The following CENPE variants were observed in gnomAD, a reference collection of about 807,000 sequenced individuals.
CENPE encodes centromere-associated protein E.
CENPE carries 145 observed loss-of-function variants against 336.1 expected under a neutral mutation model. That is an observed-to-expected ratio of 0.43 (90% CI 0.38 to 0.50). The LOEUF is 0.50. Among genes scored for constraint, CENPE ranks in the 20% least tolerant of loss-of-function variants. CENPE has a pLI of 0.00. For synonymous variants in CENPE, 1,013 were observed against 984.8 expected, an observed-to-expected ratio of 1.03 and a Z score of -0.54; for missense variants, 2,719 against 3,023.3, an observed-to-expected ratio of 0.90 and a Z score of 2.36.
chr4:103,135,210 T>A (rs1158918704), intron 40 of CENPE, among the ~76,000 whole-genome samples: 1 of 152,220 alleles, frequency 6.6e-6, no homozygotes, highest in Non-Finnish European at 1.5e-5. Flanking sequence ...AAATGTATTA[T>A]CTATCACCTA....
In CENPE at chr4:103,139,151, T is replaced by C. The variant is rs1752323604; in HGVS notation, c.6204+638A>G. 2.8e-5 allele frequency among the ~76,000 whole-genome samples: 3 copies of C among 108,738 alleles called. 1 individual carries two copies. The highest frequency in any genetic ancestry group is 4.6e-5 in the Non-Finnish European group (2 of 43,876). The allele number at this position is 108,738 out of a possible 152,430, so 71.3% of individuals were successfully genotyped here. A position where few individuals can be genotyped will look rare whatever the true frequency, so the allele number is the denominator to read the frequency against. On this transcript the variant is annotated intron_variant, in intron 38 of 48. Transcript: ENST00000265148. ...AAAACATTTTCTCCCACTTATCTTG[T>C]TCACTACAGTACCTAGAAGAATATT...
chr4:103,191,011 G>T (rs143929137), intron 8 of CENPE, among the ~76,000 whole-genome samples: 22,308 of 149,878 alleles, frequency 0.15, 1,951 homozygotes, highest in South Asian at 0.31. Context: ...CTTCTCAAAA[G>T]AAGACATTTA....
chr4:103,191,972 G>A (rs1365461824), intron 8 of CENPE, among the ~76,000 whole-genome samples: 1 of 152,024 alleles, frequency 6.6e-6, no homozygotes, highest in Non-Finnish European at 1.5e-5. Context: ...GAATCTCGGT[G>A]AGAGATAATA....
chr4:103,185,604 T>C (rs1756703068), intron 9 of CENPE, among the ~76,000 whole-genome samples: 1 of 152,122 alleles, frequency 6.6e-6, no homozygotes, highest in Admixed American at 6.5e-5. Context: ...TTTTAATTGA[T>C]GCTATTGTAG....
rs535469567 is a variant in CENPE, at chr4:103,117,341, T to G, written c.7330-652A>C. On this transcript the variant is annotated intron_variant, in intron 44 of 48. Coordinates refer to ENST00000265148, the MANE Select transcript of CENPE (RefSeq NM_001813.3). ...TAAAATCTATAATTTCCATGACAGT[T>G]TATTTGTATTGTACATTCTGTGGGT... Among the ~76,000 whole-genome samples, 134 of 152,314 alleles carry G rather than the reference T, an allele frequency of 8.8e-4. 4 individuals carry two copies. The South Asian group carries it at 0.027, about 30-fold the overall frequency.
intron 42 of CENPE, among the ~76,000 whole-genome samples, chr4:103,125,940 G>T (rs1448322919): frequency 6.6e-6 from 1 of 151,532 alleles, no homozygotes; most frequent in Non-Finnish European, 1.5e-5. Flanking sequence ...CCACAACTCT[G>T]CTTAGATCCA....
intron 8 of CENPE, among the ~76,000 whole-genome samples, chr4:103,188,578 T>C (rs1297930482): frequency 6.6e-6 from 1 of 152,118 alleles, no homozygotes; most frequent in Non-Finnish European, 1.5e-5. Flanking sequence ...GAAATAAAGA[T>C]GTTCTTTGAA....
intron 42 of CENPE, among the ~76,000 whole-genome samples, chr4:103,127,208 C>A (rs1050380481): frequency 1.3e-5 from 2 of 149,908 alleles, no homozygotes; most frequent in African/African-American, 4.9e-5. Context: ...AAAAAAAAAT[C>A]TTTGAAGAAG....
In CENPE at chr4:103,196,255, AAACAACAAC is replaced by A. The variant is rs3217729; in HGVS notation, c.149-12_149-4del. The A allele has an allele frequency of 6.3e-6, 10 of 1,578,692 alleles. No individual in the cohort carries two copies. In the South Asian group the frequency reaches 7.8e-5, roughly 12 times the overall value. The stretch of plus-strand genomic sequence containing the variant: ...TTCATTACCATGAAAGACACGATCT[AAACAACAAC>A]AACAACAACAACAACACAGAAGTTA... On this transcript the variant is annotated splice_region_variant and splice_polypyrimidine_tract_variant and intron_variant, in intron 2 of 48. Coordinates refer to ENST00000265148, the MANE Select transcript of CENPE (RefSeq NM_001813.3).
intron 47 of CENPE, 82 bp from the exon 48 acceptor site, chr4:103,109,171 A>T: frequency 9.2e-7 from 1 of 1,085,826 alleles, no homozygotes; most frequent in Non-Finnish European, 1.3e-6. Context: ...AAAAATTAAA[A>T]ATAAATTGTG....
chr4:103,180,301 T>C lies in CENPE; in HGVS notation c.1242+10A>G, dbSNP rs561117970. 5 of 1,607,032 alleles carry C rather than the reference T, an allele frequency of 3.1e-6. No homozygotes were observed. In the South Asian group the frequency reaches 5.6e-5, roughly 18 times the overall value. Reference sequence around the variant, plus strand: ...TACATCAAGTTTAAGCTGTCATCTTTTAATTTTACCTTTAATTCCTGTTGC... The same window carrying C: ...TACATCAAGTTTAAGCTGTCATCTTCTAATTTTACCTTTAATTCCTGTTGC... On this transcript the variant is annotated intron_variant, in intron 13 of 48. Coordinates refer to ENST00000265148, the MANE Select transcript of CENPE (RefSeq NM_001813.3).
chr4:103,176,805 C>G, intron 14 of CENPE, 94 bp downstream of exon 14: 1 of 889,602 alleles, frequency 1.1e-6, no homozygotes. Flanking sequence ...AGTATTTAAA[C>G]ATGTTTATCA....
chr4:103,134,607 G>A (rs1021372943), intron 40 of CENPE, among the ~76,000 whole-genome samples: 1 of 127,732 alleles, frequency 7.8e-6, no homozygotes, highest in African/African-American at 3.1e-5. Flanking sequence ...CTGCACTCCA[G>A]CCTGGGCAAC....
At chr4:103,192,924 TTTAA>T (rs1316426394) in intron 8 of CENPE, among the ~76,000 whole-genome samples, 1 of 151,948 alleles carries the variant, frequency 6.6e-6, no homozygotes, top group Non-Finnish European at 1.5e-5. Flanking sequence ...TTTTTTTTTT[TTTAA>T]TTATTTTTTT....
chr4:103,183,154 G>GA, intron 10 of CENPE, 47 bp downstream of exon 10: 1 of 1,411,636 alleles, frequency 7.1e-7, no homozygotes, highest in Non-Finnish European at 9.9e-7. Context: ...TCAACCTAAT[G>GA]AAAAATATAA....
intron 8 of CENPE, among the ~76,000 whole-genome samples, chr4:103,188,890 C>G (rs916035633): frequency 6.6e-6 from 1 of 151,872 alleles, no homozygotes; most frequent in African/African-American, 2.4e-5. Context: ...ATTGATAGAC[C>G]GCTAGCAAGA....
intron 2 of CENPE, 114 bp from the exon 3 acceptor site, chr4:103,196,366 A>C (rs1757734486): frequency 1.2e-6 from 1 of 824,318 alleles, no homozygotes; most frequent in Non-Finnish European, 2.0e-6. Context: ...ATGTAGGATG[A>C]TCAACTATTT....
intron 41 of CENPE, 126 bp downstream of exon 41, chr4:103,133,569 G>T: frequency 1.5e-6 from 1 of 683,234 alleles, no homozygotes; most frequent in Non-Finnish European, 2.5e-6. Flanking sequence ...TGTCTGGCCA[G>T]GTATCACTCT....
chr4:103,117,697 G>A (rs759664735), intron 44 of CENPE, among the ~76,000 whole-genome samples: 3 of 146,358 alleles, frequency 2.0e-5, no homozygotes, highest in Non-Finnish European at 3.0e-5. Flanking sequence ...GTGCGATCTC[G>A]GCTCACTGCA....
Sources: allele counts gnomAD v4.1 joint callset (sites outside exome capture counted in the v4.1 genomes callset), GRCh38; gene constraint gnomAD v4.1.1; transcripts MANE v1.5; gene names NCBI Gene and HGNC (gene_info 2026-07-23, HGNC 2026-07-21).